CNTNAP2: variants seen among roughly 807,000 people sequenced by gnomAD.
CNTNAP2 encodes contactin associated protein 2, also known as contactin-associated protein-like 2.
A neutral mutation model predicts 155.2 loss-of-function variants in CNTNAP2; 98 were observed. The ratio of observed to expected loss-of-function variants is 0.63; its 90% CI spans 0.54 to 0.75. CNTNAP2 has a LOEUF of 0.75. CNTNAP2 is among the 30% of genes least tolerant of loss of function. CNTNAP2 has a pLI of 0.00. For missense variants in CNTNAP2, 1,727 were observed against 1,688.1 expected (o/e 1.02, Z -0.40); for synonymous variants, 651 against 631.2 (o/e 1.03, Z -0.47).
chr7:147,688,042 T>C (rs1341009799), intron 13 of CNTNAP2, among the ~76,000 whole-genome samples: 2 of 152,164 alleles, frequency 1.3e-5, no homozygotes, highest in Non-Finnish European at 1.5e-5. Context: ...CTATGCTTCA[T>C]TGATGGATGA....
intron 1 of CNTNAP2, among the ~76,000 whole-genome samples, chr7:146,679,376 A>G (rs1800461894): frequency 7.6e-6 from 1 of 131,406 alleles, no homozygotes; most frequent in African/African-American, 3.0e-5. Flanking sequence ...TTGGAGACAG[A>G]GTCTCACATT....
intron 1 of CNTNAP2, among the ~76,000 whole-genome samples, chr7:146,364,706 T>G (rs1795131174): frequency 6.6e-6 from 1 of 152,230 alleles, no homozygotes; most frequent in African/African-American, 2.4e-5. Context: ...AAGTTCTTTA[T>G]TAACTTTTAA....
chr7:147,300,040 A>G, intron 8 of CNTNAP2, 101 bp from the exon 9 acceptor site: 1 of 1,311,540 alleles, frequency 7.6e-7, no homozygotes, highest in Non-Finnish European at 1.1e-6. Flanking sequence ...TTTCCAAGAG[A>G]AAAATACTTT....
At chr7:146,883,349 A>G (rs373968473) in intron 3 of CNTNAP2, among the ~76,000 whole-genome samples, 1 of 152,140 alleles carries the variant, frequency 6.6e-6, no homozygotes, top group African/African-American at 2.4e-5. Context: ...TGATAATTGC[A>G]TTGCCTTTCT....
At chr7:147,893,179 T>C (rs1011486964) in intron 13 of CNTNAP2, among the ~76,000 whole-genome samples, 2 of 152,226 alleles carry the variant, frequency 1.3e-5, no homozygotes, top group Non-Finnish European at 2.9e-5. Flanking sequence ...CATAGGTAAG[T>C]TGAGATAATA....
At chr7:147,705,447 C>A (rs560397752) in intron 13 of CNTNAP2, among the ~76,000 whole-genome samples, 1 of 152,082 alleles carries the variant, frequency 6.6e-6, no homozygotes, top group South Asian at 2.1e-4. Context: ...AAAGTTTCTT[C>A]AGACTTGTTC....
At chr7:146,974,353 A>G (rs1797864071) in intron 3 of CNTNAP2, among the ~76,000 whole-genome samples, 1 of 151,924 alleles carries the variant, frequency 6.6e-6, no homozygotes. Context: ...CAGGAGAATC[A>G]CTTGAACCTG....
chr7:146,160,101 A>G (rs1030586958), intron 1 of CNTNAP2, among the ~76,000 whole-genome samples: 5 of 152,220 alleles, frequency 3.3e-5, no homozygotes, highest in African/African-American at 1.2e-4. Context: ...TACTGAGCAC[A>G]TAACAAAATG....
intron 1 of CNTNAP2, among the ~76,000 whole-genome samples, chr7:146,535,509 TAATC>T (rs1341280680): frequency 9.1e-6 from 1 of 110,002 alleles, no homozygotes; most frequent in African/African-American, 5.3e-5. Context: ...TCTTTTTAAG[TAATC>T]AATCAACATT....
chr7:146,763,388 C>A (rs1802138972), intron 1 of CNTNAP2, among the ~76,000 whole-genome samples: 1 of 152,118 alleles, frequency 6.6e-6, no homozygotes, highest in Admixed American at 6.6e-5. Flanking sequence ...TCCATTCACC[C>A]ATACTCCTCA....
chr7:146,135,796 A>T (rs1023468038), intron 1 of CNTNAP2, among the ~76,000 whole-genome samples: 6 of 152,132 alleles, frequency 3.9e-5, no homozygotes, highest in African/African-American at 1.4e-4. Flanking sequence ...AATATATTAG[A>T]AATATACCTT....
chr7:146,419,957 A>T (rs1456441373), intron 1 of CNTNAP2, among the ~76,000 whole-genome samples: 1 of 152,160 alleles, frequency 6.6e-6, no homozygotes, highest in Non-Finnish European at 1.5e-5. Flanking sequence ...AGAACTTTTT[A>T]TACCCTGTAT....
intron 14 of CNTNAP2, among the ~76,000 whole-genome samples, chr7:147,976,211 T>C (rs1436974643): frequency 6.6e-6 from 1 of 152,236 alleles, no homozygotes; most frequent in Non-Finnish European, 1.5e-5. Context: ...TGCAGAGCTC[T>C]GATTTAGAGT....
At chr7:147,384,767 G>C (rs1414428860) in intron 9 of CNTNAP2, among the ~76,000 whole-genome samples, 2 of 152,098 alleles carry the variant, frequency 1.3e-5, no homozygotes, top group African/African-American at 4.8e-5. Context: ...TATACAAATA[G>C]TTTTTATTTT....
intron 1 of CNTNAP2, among the ~76,000 whole-genome samples, chr7:146,606,609 G>A (rs866331578): frequency 2.6e-5 from 4 of 152,116 alleles, no homozygotes; most frequent in African/African-American, 9.7e-5. Flanking sequence ...ATGTGGAATC[G>A]ATGCTATTAC....
chr7:146,801,049 TAAAGA>T (rs986381944), intron 2 of CNTNAP2, among the ~76,000 whole-genome samples: 12 of 152,158 alleles, frequency 7.9e-5, no homozygotes, highest in Admixed American at 2.0e-4. Context: ...GGGTAATTTA[TAAAGA>T]AAAGAGATTT....
intron 8 of CNTNAP2, among the ~76,000 whole-genome samples, chr7:147,242,727 A>C (rs924136409): frequency 1.3e-5 from 2 of 152,098 alleles, no homozygotes; most frequent in Admixed American, 1.3e-4. Flanking sequence ...GGAACTATTT[A>C]AAAATAAGGC....
chr7:146,808,112 T>C lies in CNTNAP2; in HGVS notation c.209-31599T>C, dbSNP rs182145409. 3.2e-4 allele frequency among the ~76,000 whole-genome samples: 48 copies of C among 152,334 alleles called. 1 individual carries two copies. Among genetic ancestry groups the C allele is most frequent in the Admixed American group, 2.8e-3 (43 of 15,298 alleles). On this transcript the variant is annotated intron_variant, in intron 2 of 23. Transcript: ENST00000361727. ...GACTGAGTTTATTACATGAGCGGCCTGTCTTAAGTTTCTTGCCATCTCTCA... is the reference window on the plus strand; with the variant it reads ...GACTGAGTTTATTACATGAGCGGCCCGTCTTAAGTTTCTTGCCATCTCTCA...
chr7:146,550,757 C>T (rs1043328047), intron 1 of CNTNAP2, among the ~76,000 whole-genome samples: 1 of 151,924 alleles, frequency 6.6e-6, no homozygotes, highest in Non-Finnish European at 1.5e-5. Flanking sequence ...CAGCATAGAG[C>T]CTGTATATAG....
Sources: gnomAD v4.1 joint callset for allele counts (sites outside exome capture counted in the v4.1 genomes callset) on GRCh38, gnomAD v4.1.1 for gene constraint, MANE v1.5 for transcripts, NCBI Gene and HGNC (gene_info 2026-07-23, HGNC 2026-07-21) for gene names.